Variants in RYR2 observed in about 807,000 individuals in gnomAD.
RYR2 encodes the protein ryanodine receptor 2.
In RYR2, 227 loss-of-function variants were observed where a neutral mutation model predicts 601.1. The observed-to-expected ratio is 0.38, with a 90% confidence interval of 0.34 to 0.42. The LOEUF (loss-of-function observed/expected upper bound fraction) is 0.42, where lower values mean the gene tolerates loss of function less well. Ranked by LOEUF, RYR2 falls within the 10% of genes least tolerant of loss-of-function variation. RYR2 has a pLI of 1.00. For synonymous variants in RYR2, 2,223 were observed against 2,175.1 expected, an observed-to-expected ratio of 1.02 and a Z score of -0.61; for missense variants, 4,646 against 6,156.5, an observed-to-expected ratio of 0.75 and a Z score of 8.21.
rs760991938 is a variant in RYR2, at chr1:237,461,517, G to T, written c.1612+4782G>T. 2.6e-5 allele frequency among the ~76,000 whole-genome samples: 4 copies of T among 152,086 alleles called. No homozygotes were observed. The East Asian group carries it at 7.7e-4, about 29-fold the overall frequency. The stretch of plus-strand genomic sequence containing the variant: ...ATTGCGTTCTTTTAATTCTTGGTCC[G>T]GTCTGTCCCTTCTTTTCACCTCTGA... On this transcript the variant is annotated intron_variant, in intron 16 of 104. Transcript: ENST00000366574.
chr1:237,546,954 A>C (rs1371500611), intron 25 of RYR2, among the ~76,000 whole-genome samples: 1 of 133,432 alleles, frequency 7.5e-6, no homozygotes, highest in African/African-American at 2.6e-5. Context: ...TTTTAAGAGA[A>C]TTTGTAGTTT....
At chr1:237,673,260 T>C (rs980085159) in intron 58 of RYR2, among the ~76,000 whole-genome samples, 4 of 152,220 alleles carry the variant, frequency 2.6e-5, no homozygotes, top group Admixed American at 2.6e-4. Context: ...TTCGGTTTGC[T>C]GCTGTTTTAA....
chr1:237,816,705 A>T (rs1558476939), intron 100 of RYR2, among the ~76,000 whole-genome samples: 1 of 138,184 alleles, frequency 7.2e-6, no homozygotes, highest in Non-Finnish European at 1.6e-5. Flanking sequence ...AAAAAAAAAA[A>T]AGGAAAAAAG....
rs1302918424 is a variant in RYR2 at position 237,833,725 on chromosome 1, T to A, written c.*1078T>A. 4 of 152,622 alleles carry A rather than the reference T, an allele frequency of 2.6e-5. No homozygotes were observed. The highest frequency in any genetic ancestry group is 9.7e-5 in the African/African-American group (4 of 41,450). The allele number at this position is 152,622 out of a possible 1,614,324, so 9.5% of individuals were successfully genotyped here. On this transcript the variant is annotated 3_prime_UTR_variant, in exon 105 of 105. Coordinates refer to ENST00000366574, the MANE Select transcript of RYR2 (RefSeq NM_001035.3). ...TCAGTTTTGTTGATTAAGGACTTCT[T>A]GTCAGGCCATTTTTTAATATCAAAG...
chr1:237,404,477 T>C (rs1703679296), intron 10 of RYR2, among the ~76,000 whole-genome samples: 1 of 152,126 alleles, frequency 6.6e-6, no homozygotes, highest in Admixed American at 6.6e-5. Flanking sequence ...AAAAATATAA[T>C]AGTAATACTT....
chr1:237,435,655 C>A (rs1356431871), intron 12 of RYR2, among the ~76,000 whole-genome samples: 1 of 152,078 alleles, frequency 6.6e-6, no homozygotes, highest in African/African-American at 2.4e-5. Flanking sequence ...TTGAAGCCTT[C>A]TGTGATTAAC....
chr1:237,407,709 T>C (rs1201519566), intron 10 of RYR2, among the ~76,000 whole-genome samples: 1 of 149,944 alleles, frequency 6.7e-6, no homozygotes, highest in Non-Finnish European at 1.5e-5. Context: ...CTCAATCTCC[T>C]GGGTTCACGC....
Position 237,492,991 on chromosome 1 carries a change from G to T in RYR2, c.1865G>T (p.Gly622Val), listed in dbSNP as rs1487120980. The T allele has an allele frequency of 6.2e-7, 1 of 1,607,910 alleles. No individual in the cohort carries two copies. Among genetic ancestry groups the T allele is most frequent in the Non-Finnish European group, 8.5e-7 (1 of 1,176,666 alleles). ...DVLCSLCVCH[G>V]VAVRSNQHLI... is the part of the protein sequence containing the mutation. The stretch of plus-strand genomic sequence containing the variant: ...TTGTGCTCACTCTGTGTTTGCCACG[G>T]GGTTGCAGTCCGTTCTAACCAGCAT... The change falls in exon 19 of 105, where the codon GGG becomes GTG. Residue 622 changes from glycine to valine, a missense_variant. Gly to Val is a moderately radical substitution (Grantham distance 109). Around this residue, in one of 17 missense-constraint regions of RYR2, gnomAD observed 1,807 missense variants for 2,088.1 expected, o/e 0.87. Transcript: ENST00000366574.
intron 64 of RYR2, among the ~76,000 whole-genome samples, chr1:237,699,988 C>T (rs146397019): frequency 2.0e-5 from 3 of 152,282 alleles, no homozygotes; most frequent in African/African-American, 7.2e-5. Context: ...AGCATTAGCA[C>T]AGACTTTTGC....
chr1:237,665,080 G>A (rs1353382043), intron 56 of RYR2, among the ~76,000 whole-genome samples: 1 of 152,132 alleles, frequency 6.6e-6, no homozygotes, highest in African/African-American at 2.4e-5. Flanking sequence ...CAACCTTTGA[G>A]GCTGGTGGCC....
rs145100404 is a variant in RYR2, at chr1:237,308,533, C to T, written c.169-22345C>T. 3.5e-3 allele frequency among the ~76,000 whole-genome samples: 539 copies of T among 152,218 alleles called. 1 individual carries two copies. The highest frequency in any genetic ancestry group is 5.8e-3 in the Admixed American group (88 of 15,288). On this transcript the variant is annotated intron_variant, in intron 2 of 104. Coordinates refer to ENST00000366574, the MANE Select transcript of RYR2 (RefSeq NM_001035.3). ...GTCTCAATGACTTCAAGAATGAAGC[C>T]GCGGACCCTTGCGGTGAGTGTTACA...
At chr1:237,406,171 T>TCCCCTCCCCTCCCCTCCCTTCCCC (rs1558764686) in intron 10 of RYR2, among the ~76,000 whole-genome samples, 2 of 32,978 alleles carry the variant, frequency 6.1e-5, no homozygotes, top group Non-Finnish European at 4.9e-5. Context: ...TTCCCTTCCC[T>TCCCCTCCCCTCCCCTCCCTTCCCC]TCCCTCCCCT....
intron 1 of RYR2, among the ~76,000 whole-genome samples, chr1:237,208,936 G>GTGTGTGTGTA (rs1418847642): frequency 3.3e-5 from 3 of 89,876 alleles, no homozygotes; most frequent in African/African-American, 8.8e-5. Flanking sequence ...ATGTGTGTGT[G>GTGTGTGTGTA]TATATATATA....
intron 80 of RYR2, among the ~76,000 whole-genome samples, chr1:237,752,683 A>C (rs1019308193): frequency 6.6e-6 from 1 of 152,160 alleles, no homozygotes; most frequent in Non-Finnish European, 1.5e-5. Context: ...CTGCAAACCA[A>C]ATTATTAGTA....
At chr1:237,704,017 T>C (rs185433726) in intron 66 of RYR2, among the ~76,000 whole-genome samples, 2 of 152,236 alleles carry the variant, frequency 1.3e-5, no homozygotes, top group Admixed American at 1.3e-4. Context: ...GTTTGTCCTA[T>C]GAATAATCAC....
intron 1 of RYR2, among the ~76,000 whole-genome samples, chr1:237,089,760 A>G (rs968146215): frequency 2.0e-5 from 3 of 152,238 alleles, no homozygotes; most frequent in East Asian, 1.9e-4. Flanking sequence ...ATGCAAGTGG[A>G]AAACTTCAGT....
intron 1 of RYR2, among the ~76,000 whole-genome samples, chr1:237,047,676 T>A (rs190233031): frequency 6.6e-6 from 1 of 152,318 alleles, no homozygotes; most frequent in East Asian, 1.9e-4. Flanking sequence ...TCTCAAGCTC[T>A]ACTACCCTGA....
intron 1 of RYR2, among the ~76,000 whole-genome samples, chr1:237,122,251 C>T (rs555892715): frequency 2.0e-5 from 3 of 152,332 alleles, no homozygotes; most frequent in South Asian, 2.1e-4. Flanking sequence ...CCACATCGAC[C>T]GCTTGCTGAT....
intron 84 of RYR2, among the ~76,000 whole-genome samples, chr1:237,764,076 A>G (rs1463732492): frequency 6.6e-6 from 1 of 152,234 alleles, no homozygotes; most frequent in East Asian, 1.9e-4. Flanking sequence ...TGTTTTTATT[A>G]AGCTAAGTCT....
Sources: allele counts gnomAD v4.1 joint callset (sites outside exome capture counted in the v4.1 genomes callset), GRCh38; gene constraint gnomAD v4.1.1; regional missense constraint gnomAD v4.1.1; transcripts MANE v1.5; gene names NCBI Gene and HGNC (gene_info 2026-07-23, HGNC 2026-07-21).